FTCDNL1: variants seen among roughly 807,000 people sequenced by gnomAD.
FTCDNL1 encodes formiminotransferase N-terminal subdomain-containing protein.
A neutral mutation model predicts 5.9 loss-of-function variants in FTCDNL1; 11 were observed. The observed-to-expected ratio is 1.87, with a 90% CI of 1.18 to 3.10. The LOEUF is 3.10. Ranked by LOEUF, FTCDNL1 falls within the 30% of genes most tolerant of loss-of-function variation. FTCDNL1 has a pLI of 0.00. For synonymous variants in FTCDNL1, 58 were observed against 24.8 expected (o/e 2.34, Z -3.99); for missense variants, 115 against 65.5 (o/e 1.76, Z -2.61).
At chr2:199,768,945 G>A (rs944658407) in intron 3 of FTCDNL1, among the ~76,000 whole-genome samples, 1 of 152,062 alleles carries the variant, frequency 6.6e-6, no homozygotes, top group African/African-American at 2.4e-5. Flanking sequence ...AATGTTAGGG[G>A]GTGTTCTGCA....
chr2:199,845,764 C>T (rs1387006656), intron 3 of FTCDNL1, among the ~76,000 whole-genome samples: 1 of 151,334 alleles, frequency 6.6e-6, no homozygotes, highest in Admixed American at 6.6e-5. Context: ...GACTTCAACA[C>T]TATTACTTCA....
chr2:199,791,495 CAAT>C (rs1005292435), intron 3 of FTCDNL1, among the ~76,000 whole-genome samples: 3 of 152,086 alleles, frequency 2.0e-5, no homozygotes, highest in African/African-American at 4.8e-5. Flanking sequence ...AGGGGAAAGA[CAAT>C]ATCATAAAGC....
At chr2:199,786,197 T>C (rs75368398) in intron 3 of FTCDNL1, among the ~76,000 whole-genome samples, 3,221 of 151,968 alleles carry the variant, frequency 0.021, 202 homozygotes, top group Admixed American at 0.12. Flanking sequence ...TCACCCTGAT[T>C]GTGGAGTTGT....
At chr2:199,711,811 G>A in the FTCDNL1 span, among the ~76,000 whole-genome samples, 1 of 152,154 alleles carries the variant, frequency 6.6e-6, no homozygotes, top group Admixed American at 6.5e-5. Flanking sequence ...TCCAATTCCT[G>A]GGTTTCCACA....
intron 3 of FTCDNL1, chr2:199,844,391 A>G (rs1215743725): frequency 5.1e-6 from 3 of 584,504 alleles, no homozygotes; most frequent in East Asian, 3.0e-5. Flanking sequence ...TCTGGCCACC[A>G]CTCCACACTA....
the FTCDNL1 span, among the ~76,000 whole-genome samples, chr2:199,709,242 T>C: frequency 6.6e-6 from 1 of 152,124 alleles, no homozygotes; most frequent in Non-Finnish European, 1.5e-5. Context: ...AGTCTGACTC[T>C]GACTCTGAGC....
At chr2:199,850,484 A>G (rs934161292) in intron 1 of FTCDNL1, among the ~76,000 whole-genome samples, 2 of 152,248 alleles carry the variant, frequency 1.3e-5, no homozygotes, top group Non-Finnish European at 2.9e-5. Flanking sequence ...TAAATCACAC[A>G]AAGATGGTGT....
At chr2:199,728,036 C>T in the FTCDNL1 span, among the ~76,000 whole-genome samples, 1 of 152,270 alleles carries the variant, frequency 6.6e-6, no homozygotes, top group Middle Eastern at 3.4e-3. Context: ...CCCTCAGGGG[C>T]TCACTTTTTA....
At chr2:199,668,331 A>T in the FTCDNL1 span, among the ~76,000 whole-genome samples, 1 of 152,212 alleles carries the variant, frequency 6.6e-6, no homozygotes, top group South Asian at 2.1e-4. Flanking sequence ...GAATATGCCC[A>T]AAGAGGTTGA....
chr2:199,784,617 G>A (rs1171387907), intron 3 of FTCDNL1, among the ~76,000 whole-genome samples: 1 of 152,208 alleles, frequency 6.6e-6, no homozygotes, highest in African/African-American at 2.4e-5. Flanking sequence ...TTGCTATGAA[G>A]GCCTCAGTCA....
chr2:199,799,286 A>G (rs556573496), intron 3 of FTCDNL1, among the ~76,000 whole-genome samples: 136 of 152,176 alleles, frequency 8.9e-4, no homozygotes, highest in African/African-American at 3.1e-3. Context: ...ACTGGAAAAG[A>G]AAAAAAATAG....
intron 3 of FTCDNL1, among the ~76,000 whole-genome samples, chr2:199,786,251 GTA>G (rs139819752): frequency 1.7e-3 from 250 of 145,336 alleles, no homozygotes; most frequent in Non-Finnish European, 1.7e-3. Flanking sequence ...CTCCAGCCCT[GTA>G]TATATATATA....
At chr2:199,767,376 C>A (rs1698586785) in intron 3 of FTCDNL1, among the ~76,000 whole-genome samples, 1 of 152,168 alleles carries the variant, frequency 6.6e-6, no homozygotes, top group Non-Finnish European at 1.5e-5. Flanking sequence ...CTACTTGAAT[C>A]CCTCCAGTTA....
chr2:199,714,543 T>C, the FTCDNL1 span, among the ~76,000 whole-genome samples: 1 of 152,142 alleles, frequency 6.6e-6, no homozygotes, highest in African/African-American at 2.4e-5. Flanking sequence ...GGGAGGTTAA[T>C]TTCTTAAAGA....
the FTCDNL1 span, among the ~76,000 whole-genome samples, chr2:199,751,343 C>T: frequency 2.0e-5 from 3 of 152,150 alleles, no homozygotes; most frequent in South Asian, 2.1e-4. Context: ...ACCAGGGACA[C>T]GGGAACACCA....
intron 3 of FTCDNL1, among the ~76,000 whole-genome samples, chr2:199,770,395 T>A (rs1210494674): frequency 6.6e-6 from 1 of 152,204 alleles, no homozygotes; most frequent in Non-Finnish European, 1.5e-5. Context: ...CAACATCGCA[T>A]AGTCAGTGAG....
intron 3 of FTCDNL1, among the ~76,000 whole-genome samples, chr2:199,820,488 G>A (rs1484738926): frequency 6.6e-6 from 1 of 152,098 alleles, no homozygotes; most frequent in African/African-American, 2.4e-5. Flanking sequence ...AAGTTTTTTA[G>A]TTGCACTTGT....
the FTCDNL1 span, among the ~76,000 whole-genome samples, chr2:199,694,929 G>A: frequency 2.6e-5 from 4 of 152,330 alleles, no homozygotes; most frequent in East Asian, 1.9e-4. Context: ...TTGGCCAGAC[G>A]AGGCTGAACT....
At chr2:199,738,959 G>T in the FTCDNL1 span, among the ~76,000 whole-genome samples, 3,671 of 152,158 alleles carry the variant, frequency 0.024, 60 homozygotes, top group Middle Eastern at 0.044. Context: ...GTTAAATTTC[G>T]TAATAGCACC....
Sources: gnomAD v4.1 joint callset for allele counts (sites outside exome capture counted in the v4.1 genomes callset) on GRCh38, gnomAD v4.1.1 for gene constraint, MANE v1.5 for transcripts, NCBI Gene and HGNC (gene_info 2026-07-23, HGNC 2026-07-21) for gene names.